The following PLCB1 variants were observed in gnomAD, a reference collection of about 807,000 sequenced individuals.
PLCB1 encodes the protein 1-phosphatidylinositol 4,5-bisphosphate phosphodiesterase beta-1.
PLCB1 carries 46 observed loss-of-function variants against 161.8 expected under a neutral mutation model. The observed-to-expected ratio is 0.28, with a 90% CI of 0.22 to 0.36. The LOEUF (loss-of-function observed/expected upper bound fraction) is 0.36. Among genes scored for constraint, PLCB1 ranks in the 10% least tolerant of loss-of-function variants. PLCB1 has a pLI of 1.00. For synonymous variants in PLCB1, 517 were observed against 503.7 expected (o/e 1.03, Z -0.35); for missense variants, 1,016 against 1,472.5 (o/e 0.69, Z 5.07).
At position 8,140,441 on chromosome 20, in the gene PLCB1, C is replaced by T. The variant is rs2051390905; in HGVS notation, c.99+7691C>T. 2.6e-5 allele frequency among the ~76,000 whole-genome samples: 4 copies of T among 152,304 alleles called. No homozygotes were observed. In the Middle Eastern group the frequency reaches 0.01, roughly 389 times the overall value. On this transcript the variant is annotated intron_variant, in intron 1 of 31. Transcript: ENST00000338037. Reference sequence around the variant, plus strand: ...AAGTATCCTACATAGTTTTCTCCTTCAGTACTACTGTTGAGTAAAATGAAG... The same window carrying T: ...AAGTATCCTACATAGTTTTCTCCTTTAGTACTACTGTTGAGTAAAATGAAG...
chr20:8,475,627 A>G (rs1033164396), intron 3 of PLCB1, among the ~76,000 whole-genome samples: 1 of 152,194 alleles, frequency 6.6e-6, no homozygotes, highest in Non-Finnish European at 1.5e-5. Context: ...CATCTTTCAG[A>G]CACTTGCACA....
At chr20:8,462,903 G>A (rs559570137) in intron 3 of PLCB1, among the ~76,000 whole-genome samples, 27 of 150,470 alleles carry the variant, frequency 1.8e-4, no homozygotes, top group African/African-American at 6.3e-4. Flanking sequence ...CAACAAGTAG[G>A]GAGAACCTCC....
chr20:8,628,802 C>T (rs970197474), intron 4 of PLCB1, among the ~76,000 whole-genome samples: 4 of 151,900 alleles, frequency 2.6e-5, no homozygotes, highest in Admixed American at 6.6e-5. Context: ...GGTGTGGTGG[C>T]GGGCACCTCT....
intron 3 of PLCB1, among the ~76,000 whole-genome samples, chr20:8,587,197 A>G (rs565700876): frequency 2.0e-5 from 3 of 152,076 alleles, no homozygotes; most frequent in East Asian, 3.9e-4. Flanking sequence ...TATATATATG[A>G]TCTCAAAAAG....
rs1988013270 is a variant in PLCB1, at chr20:8,881,942, CGA to C, written c.*96_*97del. On this transcript the variant is annotated 3_prime_UTR_variant, in exon 32 of 32. Coordinates refer to ENST00000338037, the MANE Select transcript of PLCB1 (RefSeq NM_015192.4). ...AGATCACTGCCCAGGACCATCTTCC[CGA>C]GAAGCATCCCTTAGCCTAAAATCCA... 8.6e-6 allele frequency: 7 copies of C among 817,056 alleles called. No homozygotes were observed. In the African/African-American group the frequency reaches 1.0e-4, roughly 12 times the overall value. 50.6% of individuals were successfully genotyped at this position (817,056 alleles called of 1,614,324 possible).
At chr20:8,160,622 G>A (rs915949472) in intron 2 of PLCB1, among the ~76,000 whole-genome samples, 5 of 152,148 alleles carry the variant, frequency 3.3e-5, no homozygotes, top group African/African-American at 1.2e-4. Flanking sequence ...CATGAGAACA[G>A]CAGAGGAAAG....
chr20:8,829,087 A>G (rs1177389935), intron 31 of PLCB1, among the ~76,000 whole-genome samples: 3 of 152,230 alleles, frequency 2.0e-5, no homozygotes, highest in Non-Finnish European at 2.9e-5. Context: ...TGTGGTAGGT[A>G]TATGGGTGTC....
chr20:8,360,333 C>T (rs1211554763), intron 2 of PLCB1, among the ~76,000 whole-genome samples: 1 of 152,100 alleles, frequency 6.6e-6, no homozygotes, highest in African/African-American at 2.4e-5. Flanking sequence ...GGTGTCTAGC[C>T]AGTAAGGGAG....
At chr20:8,742,793 A>G (rs1396039999) in intron 23 of PLCB1, among the ~76,000 whole-genome samples, 1 of 152,190 alleles carries the variant, frequency 6.6e-6, no homozygotes, top group African/African-American at 2.4e-5. Flanking sequence ...ATTATTGGAT[A>G]TTTGCAATGC....
At chr20:8,600,395 T>C (rs1251636947) in intron 3 of PLCB1, among the ~76,000 whole-genome samples, 1 of 133,090 alleles carries the variant, frequency 7.5e-6, no homozygotes, top group Non-Finnish European at 1.6e-5. Context: ...GGGGGGTGCC[T>C]CCCAGTTAGG....
intron 3 of PLCB1, among the ~76,000 whole-genome samples, chr20:8,577,273 CAAA>C (rs60742411): frequency 1.6e-5 from 2 of 127,014 alleles, no homozygotes; most frequent in Admixed American, 8.0e-5. Flanking sequence ...ATTAAAAATA[CAAA>C]AAAAAAAAAA....
chr20:8,146,030 G>C (rs1353181476), intron 1 of PLCB1, among the ~76,000 whole-genome samples: 1 of 151,968 alleles, frequency 6.6e-6, no homozygotes, highest in African/African-American at 2.4e-5. Flanking sequence ...CTCAACAGGG[G>C]CCATGTCGCT....
intron 3 of PLCB1, among the ~76,000 whole-genome samples, chr20:8,523,496 C>CTCTCTCTCTCTCTCTATATA: frequency 4.1e-4 from 21 of 51,650 alleles, no homozygotes; most frequent in Admixed American, 1.2e-3. Context: ...CTCTCTCTCT[C>CTCTCTCTCTCTCTCTATATA]TATATATATA....
intron 2 of PLCB1, among the ~76,000 whole-genome samples, chr20:8,207,314 C>G (rs1978586933): frequency 6.6e-6 from 1 of 152,094 alleles, no homozygotes; most frequent in African/African-American, 2.4e-5. Context: ...ATTTTAAAGT[C>G]TAGTTTATAT....
At chr20:8,588,292 G>A (rs889653856) in intron 3 of PLCB1, among the ~76,000 whole-genome samples, 1 of 152,128 alleles carries the variant, frequency 6.6e-6, no homozygotes, top group African/African-American at 2.4e-5. Flanking sequence ...GCTCACCATA[G>A]TAGTGGTCTG....
intron 3 of PLCB1, among the ~76,000 whole-genome samples, chr20:8,534,967 T>C (rs1277249034): frequency 2.0e-5 from 3 of 151,926 alleles, no homozygotes; most frequent in African/African-American, 4.8e-5. Flanking sequence ...AATTTAAATA[T>C]AGATTTTCCC....
intron 2 of PLCB1, chr20:8,371,158 A>G: frequency 2.0e-6 from 1 of 501,964 alleles, no homozygotes; most frequent in Non-Finnish European, 3.5e-6. Flanking sequence ...ACATAACCAC[A>G]CACTTTTTGC....
chr20:8,277,486 T>C (rs1600281982), intron 2 of PLCB1, among the ~76,000 whole-genome samples: 1 of 152,036 alleles, frequency 6.6e-6, no homozygotes, highest in East Asian at 1.9e-4. Flanking sequence ...TAAATGCTAC[T>C]CTAATATATT....
chr20:8,606,222 G>A (rs1987754188), intron 3 of PLCB1, among the ~76,000 whole-genome samples: 1 of 152,108 alleles, frequency 6.6e-6, no homozygotes, highest in Admixed American at 6.6e-5. Context: ...GAACATCAAT[G>A]TGATCTGTGA....
Sources: allele counts gnomAD v4.1 joint callset (sites outside exome capture counted in the v4.1 genomes callset), GRCh38; gene constraint gnomAD v4.1.1; transcripts MANE v1.5; gene names NCBI Gene and HGNC (gene_info 2026-07-23, HGNC 2026-07-21).